The following TENM2 variants were observed in gnomAD, a reference collection of about 807,000 sequenced individuals.
The protein encoded by TENM2 is teneurin-2.
A neutral mutation model predicts 245.2 loss-of-function variants in TENM2; 52 were observed. The observed-to-expected ratio is 0.21, with a 90% CI of 0.17 to 0.27. TENM2 has a LOEUF of 0.27. TENM2 is among the 10% of genes least tolerant of loss of function. The pLI, the probability that TENM2 is intolerant of heterozygous loss-of-function variation, is 1.00. For missense variants in TENM2, 3,046 were observed against 3,666.8 expected, an observed-to-expected ratio of 0.83 and a Z score of 4.37; for synonymous variants, 1,363 against 1,438.9, an observed-to-expected ratio of 0.95 and a Z score of 1.19.
chr5:167,973,141 T>A (rs933202586), intron 4 of TENM2, among the ~76,000 whole-genome samples: 3 of 152,234 alleles, frequency 2.0e-5, no homozygotes, highest in Non-Finnish European at 4.4e-5. Flanking sequence ...GAGAAATGCC[T>A]AGTAAGGCGG....
intron 7 of TENM2, among the ~76,000 whole-genome samples, chr5:168,073,134 T>C (rs1282689697): frequency 6.6e-6 from 1 of 152,234 alleles, no homozygotes; most frequent in Admixed American, 6.5e-5. Flanking sequence ...TTTACCCTGC[T>C]AGCACTATGC....
the TENM2 span, among the ~76,000 whole-genome samples, chr5:166,994,267 C>T: frequency 6.6e-6 from 1 of 152,162 alleles, no homozygotes; most frequent in Non-Finnish European, 1.5e-5. Flanking sequence ...TGCCAGATTC[C>T]GAGTTTCCTT....
At chr5:167,624,708 T>C (rs1457851871) in intron 2 of TENM2, among the ~76,000 whole-genome samples, 2 of 152,234 alleles carry the variant, frequency 1.3e-5, no homozygotes, top group African/African-American at 4.8e-5. Context: ...TTCTGAGCTC[T>C]TGATATTTTG....
chr5:168,135,511 G>C (rs1431624990), intron 12 of TENM2, among the ~76,000 whole-genome samples: 1 of 152,060 alleles, frequency 6.6e-6, no homozygotes, highest in Admixed American at 6.5e-5. Flanking sequence ...TTTTCACCAT[G>C]CACTTATATG....
At chr5:167,430,747 G>A (rs1364086764) in intron 2 of TENM2, among the ~76,000 whole-genome samples, 2 of 152,116 alleles carry the variant, frequency 1.3e-5, no homozygotes, top group Non-Finnish European at 2.9e-5. Flanking sequence ...TAACATATCC[G>A]TTAAACTCTA....
chr5:167,759,880 G>A (rs1762547652), intron 2 of TENM2, among the ~76,000 whole-genome samples: 1 of 140,158 alleles, frequency 7.1e-6, no homozygotes, highest in African/African-American at 2.6e-5. Flanking sequence ...CTTTAGCTCC[G>A]AAGTGTGAAA....
the TENM2 span, among the ~76,000 whole-genome samples, chr5:167,064,318 T>A: frequency 6.6e-6 from 1 of 152,172 alleles, no homozygotes; most frequent in Admixed American, 6.5e-5. Context: ...CAAAAATTTA[T>A]GGAAAATGTA....
chr5:167,441,888 C>G (rs1437351960), intron 2 of TENM2, among the ~76,000 whole-genome samples: 1 of 152,122 alleles, frequency 6.6e-6, no homozygotes, highest in Non-Finnish European at 1.5e-5. Flanking sequence ...CTGGAGCATC[C>G]CTTGCTGAGT....
chr5:168,049,755 A>C (rs1225702755), intron 6 of TENM2, among the ~76,000 whole-genome samples: 1 of 152,264 alleles, frequency 6.6e-6, no homozygotes, highest in Non-Finnish European at 1.5e-5. Context: ...TTACTAGTTC[A>C]GATATTTTCC....
At chr5:167,158,846 C>CCCTTCTTCCTT in the TENM2 span, among the ~76,000 whole-genome samples, 9 of 86,062 alleles carry the variant, frequency 1.0e-4, no homozygotes, top group African/African-American at 4.4e-4. Context: ...TCCATAGCAG[C>CCCTTCTTCCTT]CCTTCCTTCC....
At chr5:167,034,988 T>A in the TENM2 span, among the ~76,000 whole-genome samples, 1 of 152,208 alleles carries the variant, frequency 6.6e-6, no homozygotes. Flanking sequence ...ACAATGTTTT[T>A]AAGATAGGTT....
intron 2 of TENM2, among the ~76,000 whole-genome samples, chr5:167,544,514 T>G (rs1420873882): frequency 2.0e-5 from 3 of 152,214 alleles, no homozygotes; most frequent in Non-Finnish European, 4.4e-5. Flanking sequence ...CTGGAATTTA[T>G]CAGGGGCACT....
At chr5:167,328,655 G>A (rs74537717) in intron 1 of TENM2, among the ~76,000 whole-genome samples, 2,143 of 152,166 alleles carry the variant, frequency 0.014, 55 homozygotes, top group African/African-American at 0.049. Context: ...CTACCTCATG[G>A]TATTTTCCCT....
At chr5:167,267,481 A>C in the TENM2 span, among the ~76,000 whole-genome samples, 1 of 152,140 alleles carries the variant, frequency 6.6e-6, no homozygotes, top group African/African-American at 2.4e-5. Flanking sequence ...GAGGGATGTT[A>C]ATAATTGCTT....
chr5:167,754,933 A>G (rs894131746), intron 2 of TENM2: 1 of 1,349,852 alleles, frequency 7.4e-7, no homozygotes, highest in Non-Finnish European at 1.0e-6. Context: ...GATATTGCCT[A>G]TTATGCTTTT....
At chr5:167,380,280 T>A (rs1761020206) in intron 2 of TENM2, among the ~76,000 whole-genome samples, 1 of 152,126 alleles carries the variant, frequency 6.6e-6, no homozygotes, top group Non-Finnish European at 1.5e-5. Context: ...CAGCTGATAA[T>A]AACATACAAC....
At chr5:168,088,032 G>A (rs183640932) in intron 7 of TENM2, among the ~76,000 whole-genome samples, 239 of 152,232 alleles carry the variant, frequency 1.6e-3, no homozygotes, top group African/African-American at 5.0e-3. Context: ...GTAATTTACT[G>A]GGCTGGACGG....
intron 2 of TENM2, among the ~76,000 whole-genome samples, chr5:167,642,133 G>A (rs867554415): frequency 7.0e-5 from 8 of 114,466 alleles, no homozygotes; most frequent in African/African-American, 1.8e-4. Flanking sequence ...AGAGTGAGAC[G>A]CTGTCTCAAA....
intron 9 of TENM2, among the ~76,000 whole-genome samples, chr5:168,110,743 C>T (rs1000050734): frequency 1.3e-5 from 2 of 152,098 alleles, no homozygotes; most frequent in Non-Finnish European, 2.9e-5. Flanking sequence ...CTGTGTACTC[C>T]GAAGAATTTA....
Sources: allele counts gnomAD v4.1 joint callset (sites outside exome capture counted in the v4.1 genomes callset), GRCh38; gene constraint gnomAD v4.1.1; transcripts MANE v1.5; gene names NCBI Gene and HGNC (gene_info 2026-07-23, HGNC 2026-07-21).